NPTXR: variants seen among roughly 807,000 people sequenced by gnomAD.
NPTXR encodes neuronal pentraxin receptor.
A neutral mutation model predicts 32.2 loss-of-function variants in NPTXR; 12 were observed. The ratio of observed to expected loss-of-function variants is 0.37; its 90% CI spans 0.24 to 0.60. NPTXR has a LOEUF of 0.60. Ranked by LOEUF, NPTXR falls within the 20% of genes least tolerant of loss-of-function variation. NPTXR has a pLI of 0.66. For missense variants in NPTXR, 612 were observed against 682.9 expected (o/e 0.90, Z 1.16); for synonymous variants, 323 against 315.8 (o/e 1.02, Z -0.24).
At chr22:38,841,509 G>T (rs576726090) in intron 1 of NPTXR, among the ~76,000 whole-genome samples, 2 of 152,292 alleles carry the variant, frequency 1.3e-5, no homozygotes, top group African/African-American at 4.8e-5. Context: ...CCATCTGGGC[G>T]TGGGGGCAGG....
chr22:38,823,692 C>T (rs1286442232), intron 3 of NPTXR, among the ~76,000 whole-genome samples: 2 of 152,204 alleles, frequency 1.3e-5, no homozygotes, highest in Admixed American at 1.3e-4. Flanking sequence ...GCCACCAACC[C>T]CTGTGTGATC....
chr22:38,825,284 C>G (rs2093104617), intron 3 of NPTXR, among the ~76,000 whole-genome samples: 1 of 152,134 alleles, frequency 6.6e-6, no homozygotes, highest in African/African-American at 2.4e-5. Context: ...TTCCGGAGCC[C>G]AAGACCCTGA....
rs1480707704 is a variant in NPTXR, at chr22:38,843,601, C to A, written c.258G>T (p.Pro86=). ...GGAAGCGGCTGAACAGGGGCCCGGG[C>A]GGCAGCGGGTGCGCGCTGGCCGCGG... Residue 86 remains proline, a synonymous_variant, in exon 1 of 5, where the codon CCG becomes CCT. Coordinates refer to ENST00000333039, the MANE Select transcript of NPTXR (RefSeq NM_014293.4). The surrounding 1 kb of genome is among the most constrained non-coding windows in gnomAD (Gnocchi z 5.3). The A allele has an allele frequency of 8.4e-7, 1 of 1,184,378 alleles. No homozygotes were observed. The highest frequency in any genetic ancestry group is 1.0e-6 in the Non-Finnish European group (1 of 958,216). 73.4% of individuals were successfully genotyped at this position (1,184,378 alleles called of 1,614,324 possible).
At position 38,843,993 on chromosome 22, in the gene NPTXR, T is replaced by G; in HGVS notation, c.-135A>C. 1 of 345,300 alleles carries G rather than the reference T, an allele frequency of 2.9e-6. No individual in the cohort carries two copies. 21.4% of individuals were successfully genotyped at this position (345,300 alleles called of 1,614,324 possible). A position where few individuals can be genotyped will look rare whatever the true frequency, so the allele number is the denominator to read the frequency against. On this transcript the variant is annotated 5_prime_UTR_variant, in exon 1 of 5. Coordinates refer to ENST00000333039, the MANE Select transcript of NPTXR (RefSeq NM_014293.4). The surrounding 1 kb of genome is among the most constrained non-coding windows in gnomAD (Gnocchi z 5.3). ...CCGGAGCCGGAGCCGGAGCCGGAGCTGGAGCTGTCGCCGCGGCCGCTGCTG... is the reference window on the plus strand; with the variant it reads ...CCGGAGCCGGAGCCGGAGCCGGAGCGGGAGCTGTCGCCGCGGCCGCTGCTG...
chr22:38,827,100 C>A (rs974392100), intron 2 of NPTXR, among the ~76,000 whole-genome samples: 2 of 152,138 alleles, frequency 1.3e-5, no homozygotes, highest in African/African-American at 4.8e-5. Context: ...TGGCCCTGAG[C>A]CACCAGACCT....
chr22:38,831,543 C>T (rs1301872928), intron 1 of NPTXR, among the ~76,000 whole-genome samples: 1 of 152,106 alleles, frequency 6.6e-6, no homozygotes, highest in Non-Finnish European at 1.5e-5. Flanking sequence ...GCTGATGGGG[C>T]GCTCATTACC....
At chr22:38,829,378 G>T (rs990625711) in intron 1 of NPTXR, among the ~76,000 whole-genome samples, 1 of 152,156 alleles carries the variant, frequency 6.6e-6, no homozygotes, top group Non-Finnish European at 1.5e-5. Context: ...CAGAACTGGG[G>T]CAGGAGCTGG....
At chr22:38,829,916 T>G (rs2093113592) in intron 1 of NPTXR, among the ~76,000 whole-genome samples, 1 of 152,232 alleles carries the variant, frequency 6.6e-6, no homozygotes, top group Non-Finnish European at 1.5e-5. Flanking sequence ...CCAATGGCCT[T>G]GTCAGTCATT....
chr22:38,827,699 A>G (rs574854903), intron 2 of NPTXR, among the ~76,000 whole-genome samples: 4 of 152,278 alleles, frequency 2.6e-5, no homozygotes, highest in East Asian at 1.9e-4. Context: ...CTAAACCCCT[A>G]TTTCTCAGAT....
In NPTXR at chr22:38,823,205, AGG is replaced by A; in HGVS notation, c.1154_1155del (p.Ala385ValfsTer21). The A allele has an allele frequency of 6.2e-7, 1 of 1,613,924 alleles. No individual in the cohort carries two copies. The highest frequency in any genetic ancestry group is 8.5e-7 in the Non-Finnish European group (1 of 1,180,026). On this transcript the variant is annotated frameshift_variant, in exon 4 of 5. Transcript: ENST00000333039. LOFTEE classifies it high-confidence loss of function. Reference sequence around the variant, plus strand: ...GACCATAGGCCATCCCTTGTGGTCCAGGCGATGCAGATGTGGTGCCAGCCATT... The same window carrying A: ...GACCATAGGCCATCCCTTGTGGTCCACGATGCAGATGTGGTGCCAGCCATT...
rs1253069592 is a variant in NPTXR, at chr22:38,818,893, G to A, written c.*3716C>T. The A allele has an allele frequency of 6.6e-6, 1 of 152,556 alleles. No homozygotes were observed. The highest frequency in any genetic ancestry group is 1.5e-5 in the Non-Finnish European group (1 of 68,318). The allele number at this position is 152,556 out of a possible 1,614,324, so 9.5% of individuals were successfully genotyped here. A position where few individuals can be genotyped will look rare whatever the true frequency, so the allele number is the denominator to read the frequency against. ...GAGGGGGGACTCAGTGCTGGGGAGA[G>A]GCTGCTGCGTCCTAGAGAGGGCTGA... is the stretch of plus-strand genomic sequence containing the variant. On this transcript the variant is annotated 3_prime_UTR_variant, in exon 5 of 5. Transcript: ENST00000333039. This position sits in a 1 kb window ranked among gnomAD's most constrained non-coding sequence, Gnocchi z 4.5.
rs1334206539 is a variant in NPTXR at position 38,834,003 on chromosome 22, T to C, written c.625-5491A>G. ...TTTATGCCTTTTTGCCCATCTGAAATACTTGACATGATTTTCTTTTAAAAA... is the reference window on the plus strand; with the variant it reads ...TTTATGCCTTTTTGCCCATCTGAAACACTTGACATGATTTTCTTTTAAAAA... On this transcript the variant is annotated intron_variant, in intron 1 of 4. Transcript: ENST00000333039. This position sits in a 1 kb window ranked among gnomAD's most constrained non-coding sequence, Gnocchi z 4.4. 6.6e-6 allele frequency among the ~76,000 whole-genome samples: 1 copy of C among 152,182 alleles called. No individual in the cohort carries two copies. The highest frequency in any genetic ancestry group is 1.9e-4 in the East Asian group (1 of 5,200).
chr22:38,818,493 A>G lies in NPTXR; in HGVS notation c.*4116T>C, dbSNP rs1371862002. The G allele has an allele frequency of 6.6e-6, 1 of 152,648 alleles. No homozygotes were observed. Among genetic ancestry groups the G allele is most frequent in the Non-Finnish European group, 1.5e-5 (1 of 68,110 alleles). The allele number at this position is 152,648 out of a possible 1,614,324, so 9.5% of individuals were successfully genotyped here. On this transcript the variant is annotated 3_prime_UTR_variant, in exon 5 of 5. Transcript: ENST00000333039. This position sits in a 1 kb window ranked among gnomAD's most constrained non-coding sequence, Gnocchi z 4.5. ...GTTTATTTTGAACATTCAAGTTTAC[A>G]AAAACAAAAAGGTAACAAAACCATG...
intron 1 of NPTXR, among the ~76,000 whole-genome samples, chr22:38,838,146 C>T (rs1378396910): frequency 6.6e-6 from 1 of 152,068 alleles, no homozygotes; most frequent in African/African-American, 2.4e-5. Context: ...TGTGAGCCAC[C>T]GCTCCTGACC....
At position 38,843,350 on chromosome 22, in the gene NPTXR, T is replaced by C; in HGVS notation, c.509A>G (p.Gln170Arg). Reference sequence around the variant, plus strand: ...GGTGTCGCGGCGGGGCCCGGCGCCCTGGAGGCCGCGCGGCAGGCCGCTCTC... The same window carrying C: ...GGTGTCGCGGCGGGGCCCGGCGCCCCGGAGGCCGCGCGGCAGGCCGCTCTC... Residue 170 changes from glutamine (Q) to arginine (R), a missense_variant, in exon 1 of 5, where the codon CAG (glutamine) becomes CGG (arginine). Coordinates refer to ENST00000333039, the MANE Select transcript of NPTXR (RefSeq NM_014293.4). The surrounding 1 kb of genome is among the most constrained non-coding windows in gnomAD (Gnocchi z 5.3). The C allele has an allele frequency of 7.1e-6, 10 of 1,411,582 alleles. No homozygotes were observed. Among genetic ancestry groups the C allele is most frequent in the Non-Finnish European group, 9.2e-6 (10 of 1,090,658 alleles). 87.4% of individuals were successfully genotyped at this position (1,411,582 alleles called of 1,614,324 possible).
chr22:38,826,784 G>C (rs1469118558), intron 2 of NPTXR, 37 bp from the exon 3 acceptor site: 3 of 1,591,082 alleles, frequency 1.9e-6, no homozygotes, highest in Middle Eastern at 1.7e-4. Context: ...GGAGGTCGGT[G>C]GACACCGAAA....
Position 38,822,757 on chromosome 22 carries a change from G to T in NPTXR, c.1355C>A (p.Ala452Asp). The T allele has an allele frequency of 6.2e-7, 1 of 1,614,198 alleles. No individual in the cohort carries two copies. Among genetic ancestry groups the T allele is most frequent in the Non-Finnish European group, 8.5e-7 (1 of 1,180,022 alleles). Residue 452 changes from alanine (A) to aspartate (D), a missense_variant, in exon 5 of 5, where the codon GCC becomes GAC. By Grantham distance (126) the Ala-to-Asp change is moderately radical (BLOSUM62 -2). Coordinates refer to ENST00000333039, the MANE Select transcript of NPTXR (RefSeq NM_014293.4). Reference sequence around the variant, plus strand: ...GCCCAGGACCTGGGCTGGTGTCAGGGCGTGGTCCCACAGGTTAAACTGGGC... The same window carrying T: ...GCCCAGGACCTGGGCTGGTGTCAGGTCGTGGTCCCACAGGTTAAACTGGGC...
At position 38,843,246 on chromosome 22, in the gene NPTXR, C is replaced by A; in HGVS notation, c.613G>T (p.Asp205Tyr). Residue 205 changes from aspartate (D) to tyrosine (Y), a missense_variant, in exon 1 of 5, where the codon GAC becomes TAC. By Grantham distance (160) the Asp-to-Tyr change is radical. Transcript: ENST00000333039. The surrounding 1 kb of genome is among the most constrained non-coding windows in gnomAD (Gnocchi z 5.3). ...CGCGCGGCGCTCACCTCCAGGCGGT[C>A]GATGCGGTCCCGCAGGGCGCGCACG... 1 of 1,394,696 alleles carries A rather than the reference C, an allele frequency of 7.2e-7. No homozygotes were observed. Among genetic ancestry groups the A allele is most frequent in the Non-Finnish European group, 9.3e-7 (1 of 1,079,498 alleles). The allele number at this position is 1,394,696 out of a possible 1,614,324, so 86.4% of individuals were successfully genotyped here. A position where few individuals can be genotyped will look rare whatever the true frequency, so the allele number is the denominator to read the frequency against.
At chr22:38,837,461 T>C (rs1476615439) in intron 1 of NPTXR, among the ~76,000 whole-genome samples, 1 of 152,212 alleles carries the variant, frequency 6.6e-6, no homozygotes, top group African/African-American at 2.4e-5. Flanking sequence ...CAGAAGCTTC[T>C]AGAATGGGCA....
Sources: allele counts gnomAD v4.1 joint callset (sites outside exome capture counted in the v4.1 genomes callset), GRCh38; gene constraint gnomAD v4.1.1; non-coding constraint Gnocchi (gnomAD v3.1); transcripts MANE v1.5; gene names NCBI Gene and HGNC (gene_info 2026-07-23, HGNC 2026-07-21).